The following HDX variants were observed in gnomAD, a reference collection of about 807,000 sequenced individuals.
HDX encodes highly divergent homeobox, also known as chromosome X open reading frame 43.
HDX carries 19 observed loss-of-function variants against 45.2 expected under a neutral mutation model. The ratio of observed to expected loss-of-function variants is 0.42; its 90% CI spans 0.29 to 0.62. The LOEUF (loss-of-function observed/expected upper bound fraction) is 0.62, where lower values mean the gene tolerates loss of function less well. Among genes scored for constraint, HDX ranks in the 20% least tolerant of loss-of-function variants. The pLI is 0.20. For synonymous variants in HDX, 188 were observed against 172.8 expected, an observed-to-expected ratio of 1.09 and a Z score of -0.69; for missense variants, 532 against 493.9, an observed-to-expected ratio of 1.08 and a Z score of -0.73.
At position 84,388,439 on chromosome X, in the gene HDX, A is replaced by G. The variant is rs74947723; in HGVS notation, c.1306-26827T>C. Among the ~76,000 whole-genome samples, 777 of 111,179 alleles carry G rather than the reference A, an allele frequency of 7.0e-3. 16 individuals are homozygous for G. The East Asian group carries it at 0.083, about 12-fold the overall frequency. On this transcript the variant is annotated intron_variant, in intron 5 of 10. Coordinates refer to ENST00000373177, the MANE Select transcript of HDX (RefSeq NM_001177479.2). ...TGTCTCCTCTCAGGAATGCTGATGA[A>G]CTGTAGATTTGTTTTTTCTACATAA...
intron 5 of HDX, among the ~76,000 whole-genome samples, chrX:84,417,218 G>GAGAAAGAAAGA (rs2039130672): frequency 2.0e-5 from 2 of 100,251 alleles, no homozygotes; most frequent in African/African-American, 7.3e-5. Flanking sequence ...AAAAAAAAGA[G>GAGAAAGAAAGA]AGAAAGAAAG....
chrX:84,366,729 G>T (rs2037764110), intron 5 of HDX, among the ~76,000 whole-genome samples: 2 of 111,188 alleles, frequency 1.8e-5, no homozygotes, highest in African/African-American at 6.6e-5. Flanking sequence ...ACAAGCAATG[G>T]GGAGCAACCC....
chrX:84,363,710 CTG>C (rs2037674485), intron 5 of HDX, among the ~76,000 whole-genome samples: 2 of 111,726 alleles, frequency 1.8e-5, no homozygotes, highest in Non-Finnish European at 3.8e-5. Flanking sequence ...CGCAGTAAAA[CTG>C]TGAATACACA....
intron 4 of HDX, among the ~76,000 whole-genome samples, chrX:84,447,240 T>A (rs1196943139): frequency 9.0e-6 from 1 of 111,630 alleles, no homozygotes; most frequent in African/African-American, 3.3e-5. Flanking sequence ...GGTATTCACC[T>A]CCTCCACAAA....
At chrX:84,435,309 C>T (rs1365827521) in intron 5 of HDX, among the ~76,000 whole-genome samples, 2 of 111,317 alleles carry the variant, frequency 1.8e-5, no homozygotes, top group South Asian at 3.7e-4. Flanking sequence ...CTCTGATGGC[C>T]AGTGATCATG....
chrX:84,431,606 T>A lies in HDX; in HGVS notation c.1305+8926A>T, dbSNP rs150542461. ...GCATTTCTCTAATGATTATGAGCAT[T>A]TTCATATGCATTTTAGCTATTTGTA... On this transcript the variant is annotated intron_variant, in intron 5 of 10. Transcript: ENST00000373177. Among the ~76,000 whole-genome samples, 50 of 111,786 alleles carry A rather than the reference T, an allele frequency of 4.5e-4. No homozygotes were observed. In the East Asian group the frequency reaches 0.013, roughly 30 times the overall value.
rs1001281446 is a variant in HDX, at chrX:84,318,063, C to T, written c.*3826G>A. The T allele has an allele frequency of 1.8e-5, 2 of 110,827 alleles. No individual in the cohort carries two copies. Among genetic ancestry groups the T allele is most frequent in the African/African-American group, 6.5e-5 (2 of 30,650 alleles). 9.1% of individuals were successfully genotyped at this position (110,827 alleles called of 1,213,427 possible). ...TGCAAAATAAAATTTCAGTGTGGAGCAATATACACTCAGTATATATTTTAA... is the reference window on the plus strand; with the variant it reads ...TGCAAAATAAAATTTCAGTGTGGAGTAATATACACTCAGTATATATTTTAA... On this transcript the variant is annotated 3_prime_UTR_variant, in exon 11 of 11. Coordinates refer to ENST00000373177, the MANE Select transcript of HDX (RefSeq NM_001177479.2).
rs535714930 is a variant in HDX at position 84,422,442 on chromosome X, A to C, written c.1305+18090T>G. Among the ~76,000 whole-genome samples the C allele has an allele frequency of 1.3e-4, 14 of 110,954 alleles. No homozygotes were observed. The South Asian group carries it at 5.2e-3, about 42-fold the overall frequency. On this transcript the variant is annotated intron_variant, in intron 5 of 10. Transcript: ENST00000373177. ...AAATCTTCAAACAACCTAAAAATGC[A>C]TCCAAGAACTAGAAAAGCAGAAGAG...
chrX:84,373,781 G>T (rs991747122), intron 5 of HDX, among the ~76,000 whole-genome samples: 7 of 111,297 alleles, frequency 6.3e-5, no homozygotes, highest in African/African-American at 2.3e-4. Flanking sequence ...AGCTATTTAT[G>T]ACAAACCCAC....
intron 6 of HDX, among the ~76,000 whole-genome samples, chrX:84,356,207 T>C (rs2147834297): frequency 8.9e-6 from 1 of 111,765 alleles, no homozygotes; most frequent in African/African-American, 3.2e-5. Context: ...AACATATAAA[T>C]AGTTTTTCCT....
chrX:84,334,900 ATGTG>A (rs760571301), intron 8 of HDX, among the ~76,000 whole-genome samples: 9 of 107,894 alleles, frequency 8.3e-5, no homozygotes, highest in South Asian at 7.7e-4. Flanking sequence ...CCTACTCTGT[ATGTG>A]TGTGTGTGTG....
chrX:84,440,419 C>A (rs371499549), intron 5 of HDX, 113 bp downstream of exon 5: 18 of 518,606 alleles, frequency 3.5e-5, no homozygotes, highest in East Asian at 2.9e-4. Context: ...ACAATGTAGT[C>A]CTATCAAGGT....
intron 9 of HDX, among the ~76,000 whole-genome samples, chrX:84,327,118 T>G: frequency 9.0e-6 from 1 of 111,473 alleles, no homozygotes. Flanking sequence ...AGTCTGTTAT[T>G]CCAAGAAATC....
chrX:84,367,905 C>T (rs776681985), intron 5 of HDX, among the ~76,000 whole-genome samples: 8 of 111,441 alleles, frequency 7.2e-5, no homozygotes, highest in Non-Finnish European at 1.3e-4. Flanking sequence ...ATGTAGATGA[C>T]GGGTTGATGG....
chrX:84,452,734 C>CCT (rs2040029177), intron 4 of HDX, among the ~76,000 whole-genome samples: 1 of 111,176 alleles, frequency 9.0e-6, no homozygotes, highest in East Asian at 2.8e-4. Context: ...GAAATGATGC[C>CCT]CTCTTCAATA....
chrX:84,418,789 G>T (rs1487321749), intron 5 of HDX, among the ~76,000 whole-genome samples: 1 of 111,194 alleles, frequency 9.0e-6, no homozygotes, highest in Non-Finnish European at 1.9e-5. Flanking sequence ...ATGACATACT[G>T]AAACAAAAGC....
At chrX:84,440,022 A>T (rs1046605586) in intron 5 of HDX, 1 of 111,612 alleles carries the variant, frequency 9.0e-6, no homozygotes, top group Non-Finnish European at 1.9e-5. Context: ...AATGAATGAG[A>T]TTCTTTGAGG....
intron 6 of HDX, among the ~76,000 whole-genome samples, chrX:84,357,359 G>A (rs190052437): frequency 2.9e-4 from 32 of 111,367 alleles, no homozygotes; most frequent in African/African-American, 8.8e-4. Context: ...TTAGTAGTGA[G>A]TACCTAGAAA....
chrX:84,361,444 A>C, intron 6 of HDX, 22 bp downstream of exon 6: 1 of 1,191,225 alleles, frequency 8.4e-7, no homozygotes, highest in Non-Finnish European at 1.1e-6. Flanking sequence ...CTATAGCATG[A>C]AAATTATAGA....
Sources: gnomAD v4.1 joint callset for allele counts (sites outside exome capture counted in the v4.1 genomes callset) on GRCh38, gnomAD v4.1.1 for gene constraint, MANE v1.5 for transcripts, NCBI Gene and HGNC (gene_info 2026-07-23, HGNC 2026-07-21) for gene names.